The following SCAPER variants were observed in gnomAD, a reference collection of about 807,000 sequenced individuals.
SCAPER encodes the protein S phase cyclin A-associated protein in the endoplasmic reticulum.
SCAPER carries 98 observed loss-of-function variants against 182.2 expected under a neutral mutation model. The observed-to-expected ratio is 0.54, with a 90% CI of 0.46 to 0.64. The LOEUF (loss-of-function observed/expected upper bound fraction) is 0.64. SCAPER is among the 30% of genes least tolerant of loss of function. SCAPER has a pLI of 0.00. For missense variants in SCAPER, 1,432 were observed against 1,690.0 expected, an observed-to-expected ratio of 0.85 and a Z score of 2.68; for synonymous variants, 605 against 564.6, an observed-to-expected ratio of 1.07 and a Z score of -1.01.
At position 76,862,541 on chromosome 15, in the gene SCAPER, T is replaced by A; in HGVS notation, c.7-8A>T. ...GGAGCGCTGGAATGAAGCCTATGTA[T>A]GGAAAAGATGGTACTTATTAGATTA... On this transcript the variant is annotated splice_polypyrimidine_tract_variant and splice_region_variant and intron_variant, in intron 2 of 31. Transcript: ENST00000563290. 2 of 1,508,656 alleles carry A rather than the reference T, an allele frequency of 1.3e-6. No homozygotes were observed. The highest frequency in any genetic ancestry group is 1.8e-6 in the Non-Finnish European group (2 of 1,087,246). 93.5% of individuals were successfully genotyped at this position (1,508,656 alleles called of 1,614,324 possible).
intron 17 of SCAPER, among the ~76,000 whole-genome samples, chr15:76,723,640 G>A (rs2060401439): frequency 6.6e-6 from 1 of 152,200 alleles, no homozygotes; most frequent in Non-Finnish European, 1.5e-5. Flanking sequence ...GTATATTTAG[G>A]ATAGTTAGTT....
chr15:76,732,094 GA>G (rs2060954662), intron 16 of SCAPER, among the ~76,000 whole-genome samples: 1 of 152,078 alleles, frequency 6.6e-6, no homozygotes, highest in Non-Finnish European at 1.5e-5. Context: ...CTATCTTTTA[GA>G]AAATAGACTT....
intron 2 of SCAPER, among the ~76,000 whole-genome samples, chr15:76,872,182 G>T (rs2072776684): frequency 2.0e-5 from 3 of 151,892 alleles, no homozygotes; most frequent in South Asian, 4.1e-4. Context: ...AGGAAAAAAA[G>T]AATACAGAAG....
intron 15 of SCAPER, among the ~76,000 whole-genome samples, chr15:76,744,734 A>G (rs2061707454): frequency 6.6e-6 from 1 of 152,196 alleles, no homozygotes; most frequent in Admixed American, 6.5e-5. Flanking sequence ...CAATTTCTGA[A>G]AGAACTTAAA....
intron 17 of SCAPER, among the ~76,000 whole-genome samples, chr15:76,711,258 G>T (rs947101841): frequency 3.3e-5 from 5 of 152,062 alleles, no homozygotes; most frequent in African/African-American, 9.7e-5. Flanking sequence ...AATCTGAAAA[G>T]ATAAGCCATA....
At chr15:76,675,580 CA>C (rs1033132554) in intron 20 of SCAPER, among the ~76,000 whole-genome samples, 1 of 152,068 alleles carries the variant, frequency 6.6e-6, no homozygotes, top group Non-Finnish European at 1.5e-5. Context: ...ACAATGCTGA[CA>C]AAAAACGGTC....
intron 8 of SCAPER, among the ~76,000 whole-genome samples, chr15:76,792,950 T>G (rs1480685818): frequency 6.6e-6 from 1 of 152,270 alleles, no homozygotes; most frequent in African/African-American, 2.4e-5. Context: ...CCTCCTCTTT[T>G]TAGCACAGGA....
intron 20 of SCAPER, among the ~76,000 whole-genome samples, chr15:76,695,040 T>C (rs900534386): frequency 6.6e-6 from 1 of 152,180 alleles, no homozygotes; most frequent in Non-Finnish European, 1.5e-5. Flanking sequence ...CTTTAAGATA[T>C]TTATAAAAAC....
chr15:76,799,770 G>A (rs146611184), intron 7 of SCAPER, among the ~76,000 whole-genome samples: 1 of 152,222 alleles, frequency 6.6e-6, no homozygotes, highest in Non-Finnish European at 1.5e-5. Flanking sequence ...AAGTGACATC[G>A]GTGTATAAAA....
intron 1 of SCAPER, among the ~76,000 whole-genome samples, chr15:76,890,617 G>A (rs1302023141): frequency 6.6e-6 from 1 of 152,264 alleles, no homozygotes; most frequent in East Asian, 1.9e-4. Context: ...GACTAAACCA[G>A]GAAGAAGCTG....
At chr15:76,534,078 G>T (rs565510025) in intron 23 of SCAPER, among the ~76,000 whole-genome samples, 2 of 152,236 alleles carry the variant, frequency 1.3e-5, no homozygotes, top group Admixed American at 6.5e-5. Context: ...GCTGCAATTG[G>T]TCACTATAGT....
chr15:76,652,492 AATATAT>A (rs546598892), intron 21 of SCAPER, among the ~76,000 whole-genome samples: 3 of 95,114 alleles, frequency 3.2e-5, no homozygotes, highest in Non-Finnish European at 6.2e-5. Context: ...GTCTTTGCTA[AATATAT>A]ATATATATAT....
intron 17 of SCAPER, among the ~76,000 whole-genome samples, chr15:76,718,781 A>G (rs886626129): frequency 9.2e-5 from 14 of 152,236 alleles, no homozygotes; most frequent in Non-Finnish European, 1.9e-4. Flanking sequence ...AAGAAGTCAT[A>G]GTCAGTAGAT....
intron 22 of SCAPER, among the ~76,000 whole-genome samples, chr15:76,575,657 G>C (rs2047762972): frequency 6.6e-6 from 1 of 152,046 alleles, no homozygotes. Context: ...TTTTCCTTCT[G>C]AAATGCTTCC....
At chr15:76,640,414 A>G (rs1426514036) in intron 21 of SCAPER, among the ~76,000 whole-genome samples, 1 of 149,848 alleles carries the variant, frequency 6.7e-6, no homozygotes, top group African/African-American at 2.6e-5. Context: ...GGAAGTGAAG[A>G]TAATTTAAGT....
Position 76,428,461 on chromosome 15 carries a change from C to A in SCAPER, c.3311+5617G>T, listed in dbSNP as rs77504065. On this transcript the variant is annotated intron_variant, in intron 26 of 31. Transcript: ENST00000563290. ...CTTTCTTTTTTACAACATGGATGGA[C>A]TTGGAGGTTTGTTACAACATGGATG... Among the ~76,000 whole-genome samples, 858 of 152,176 alleles carry A rather than the reference C, an allele frequency of 5.6e-3. 8 individuals carry two copies. The highest frequency in any genetic ancestry group is 0.02 in the African/African-American group (829 of 41,516).
At chr15:76,440,918 G>GTTTTTTT (rs1187911987) in intron 25 of SCAPER, among the ~76,000 whole-genome samples, 7 of 62,672 alleles carry the variant, frequency 1.1e-4, no homozygotes, top group Non-Finnish European at 8.8e-5. Flanking sequence ...TTTTTTTTTT[G>GTTTTTTT]TTTTTTTTTT....
intron 26 of SCAPER, among the ~76,000 whole-genome samples, chr15:76,406,549 G>A (rs1256696209): frequency 1.3e-5 from 2 of 152,036 alleles, no homozygotes; most frequent in African/African-American, 4.8e-5. Context: ...TTGGGAGGCT[G>A]AGGCAGGAGG....
intron 29 of SCAPER, among the ~76,000 whole-genome samples, chr15:76,366,922 T>C (rs77436355): frequency 1.3e-5 from 2 of 152,176 alleles, no homozygotes; most frequent in African/African-American, 4.8e-5. Flanking sequence ...AAACAGTGTT[T>C]TGAGTGGCAG....
Sources: gnomAD v4.1 joint callset for allele counts (sites outside exome capture counted in the v4.1 genomes callset) on GRCh38, gnomAD v4.1.1 for gene constraint, MANE v1.5 for transcripts, NCBI Gene and HGNC (gene_info 2026-07-23, HGNC 2026-07-21) for gene names.